Variants in SPNS3 observed in about 807,000 individuals in gnomAD.
SPNS3 encodes protein spinster homolog 3.
SPNS3 carries 51 observed loss-of-function variants against 54.4 expected under a neutral mutation model. The ratio of observed to expected loss-of-function variants is 0.94; its 90% CI spans 0.75 to 1.18. The LOEUF is 1.18. Ranked by LOEUF, SPNS3 falls within the 50% of genes most tolerant of loss-of-function variation. The pLI is 0.00. For synonymous variants in SPNS3, 309 were observed against 294.7 expected (o/e 1.05, Z -0.50); for missense variants, 669 against 677.4 (o/e 0.99, Z 0.14).
At chr17:4,445,940 T>C in intron 3 of SPNS3, 108 bp from the exon 4 acceptor site, 1 of 1,311,566 alleles carries the variant, frequency 7.6e-7, no homozygotes, top group Non-Finnish European at 1.0e-6. Flanking sequence ...CTCCCTACTC[T>C]GGGGTCCTGT....
intron 8 of SPNS3, among the ~76,000 whole-genome samples, chr17:4,458,586 C>CTCCTTCCTTCCCTCCT (rs749391286): frequency 1.5e-5 from 1 of 66,722 alleles, no homozygotes; most frequent in South Asian, 6.6e-4. Flanking sequence ...TCTTCCTTCC[C>CTCCTTCCTTCCCTCCT]TCCTTTCTTT....
intron 8 of SPNS3, among the ~76,000 whole-genome samples, chr17:4,475,123 A>G (rs1007603549): frequency 9.2e-5 from 14 of 152,076 alleles, no homozygotes; most frequent in African/African-American, 3.4e-4. Flanking sequence ...AGGGACATTT[A>G]TCATCACTTT....
chr17:4,481,679 C>A (rs760031072), intron 9 of SPNS3, among the ~76,000 whole-genome samples: 6 of 152,214 alleles, frequency 3.9e-5, no homozygotes, highest in Non-Finnish European at 5.9e-5. Flanking sequence ...TCCTCACTAG[C>A]TGTGTGACCC....
intron 1 of SPNS3, among the ~76,000 whole-genome samples, chr17:4,435,956 C>G (rs1597296672): frequency 6.6e-6 from 1 of 152,126 alleles, no homozygotes. Context: ...ACAATAACAA[C>G]AGCTGATTGA....
intron 1 of SPNS3, among the ~76,000 whole-genome samples, chr17:4,436,336 C>T (rs566759391): frequency 2.0e-4 from 30 of 152,282 alleles, no homozygotes; most frequent in Non-Finnish European, 2.1e-4. Context: ...ACCTGGTCAT[C>T]GTCTTTGAGG....
chr17:4,460,576 C>T (rs537690920), intron 8 of SPNS3, among the ~76,000 whole-genome samples: 16 of 150,986 alleles, frequency 1.1e-4, no homozygotes, highest in South Asian at 1.1e-3. Context: ...GGACTACAGG[C>T]GCCTGCTACC....
chr17:4,484,694 C>T (rs1303885415), intron 9 of SPNS3, among the ~76,000 whole-genome samples: 1 of 152,054 alleles, frequency 6.6e-6, no homozygotes, highest in Non-Finnish European at 1.5e-5. Flanking sequence ...TGTAAGCGCC[C>T]CTGTGGCTGT....
chr17:4,483,293 G>A lies in SPNS3; in HGVS notation c.1180-2935G>A, dbSNP rs139228029. ...TAAGAAGGGAGAGCCAGAAACAGAG[G>A]TGTTTTTGTCTCAGAATAGAGTGAG... On this transcript the variant is annotated intron_variant, in intron 9 of 11. Transcript: ENST00000355530. The surrounding 1 kb of genome is among the most constrained non-coding windows in gnomAD (Gnocchi z 4.2). 2.3e-3 allele frequency among the ~76,000 whole-genome samples: 353 copies of A among 152,310 alleles called. 1 individual carries two copies. Among genetic ancestry groups the A allele is most frequent in the African/African-American group, 7.7e-3 (319 of 41,554 alleles).
chr17:4,464,421 A>T (rs773954813), intron 8 of SPNS3, among the ~76,000 whole-genome samples: 6 of 152,154 alleles, frequency 3.9e-5, no homozygotes, highest in Non-Finnish European at 8.8e-5. Context: ...GATGTGGCTG[A>T]ACGTCGGCTA....
At chr17:4,455,423 C>T (rs1971281002) in intron 8 of SPNS3, among the ~76,000 whole-genome samples, 1 of 152,232 alleles carries the variant, frequency 6.6e-6, no homozygotes, top group Admixed American at 6.5e-5. Context: ...TTTCTGCTGA[C>T]TGTCGGTGCC....
chr17:4,471,941 C>A (rs1157157665), intron 8 of SPNS3, among the ~76,000 whole-genome samples: 3 of 152,062 alleles, frequency 2.0e-5, no homozygotes, highest in African/African-American at 7.2e-5. Flanking sequence ...TCTCTGCAAC[C>A]TCCACCTCCT....
chr17:4,441,992 G>A (rs1297589874), intron 2 of SPNS3, among the ~76,000 whole-genome samples: 4 of 150,724 alleles, frequency 2.7e-5, no homozygotes, highest in African/African-American at 9.8e-5. Flanking sequence ...AAGTGTGTGT[G>A]TGTGTGTGTG....
At chr17:4,474,572 C>T (rs538400906) in intron 8 of SPNS3, among the ~76,000 whole-genome samples, 21 of 152,340 alleles carry the variant, frequency 1.4e-4, no homozygotes, top group African/African-American at 4.8e-4. Context: ...CGCCACCCCA[C>T]AGGGGCTGAC....
Position 4,487,837 on chromosome 17 carries a change from C to T in SPNS3, c.1482C>T (p.Asn494=), listed in dbSNP as rs2291743. Residue 494 remains asparagine, a synonymous_variant, in exon 12 of 12, where the codon AAC becomes AAT. Coordinates refer to ENST00000355530, the MANE Select transcript of SPNS3 (RefSeq NM_182538.5). The stretch of plus-strand genomic sequence containing the variant: ...CAGACAGCAATGATGTGGACAGCAA[C>T]GACCTGGAGAGACAAGGCCTACTTT... ...GTPDSNDVDS[N]DLERQGLLSG... 437,195 of 1,607,686 alleles carry T rather than the reference C, an allele frequency of 0.27. 63,693 individuals carry two copies. Among genetic ancestry groups the T allele is most frequent in the Middle Eastern group, 0.35 (2,123 of 6,040 alleles).
At chr17:4,437,852 T>C (rs181365504) in intron 1 of SPNS3, among the ~76,000 whole-genome samples, 2 of 149,778 alleles carry the variant, frequency 1.3e-5, no homozygotes, top group African/African-American at 4.9e-5. Context: ...AGTGGCATGA[T>C]CTCAGCTCAC....
rs1335161749 is a variant in SPNS3, at chr17:4,446,135, C to A, written c.490C>A (p.Leu164Ile). The A allele has an allele frequency of 6.2e-7, 1 of 1,613,768 alleles. No homozygotes were observed. The highest frequency in any genetic ancestry group is 8.5e-7 in the Non-Finnish European group (1 of 1,179,740). The stretch of plus-strand genomic sequence containing the variant: ...CATCGCGCCCACCGTCCTGGGCGAC[C>A]TCTTCGTGAGGGACCAGCGCACCCG... ...STIAPTVLGDLFVRDQRTRVL... is the reference protein window; with the variant it reads ...STIAPTVLGDIFVRDQRTRVL... Residue 164 changes from leucine (L) to isoleucine (I), a missense_variant, in exon 4 of 12, where the codon CTC (leucine) becomes ATC (isoleucine). Leu to Ile is a conservative substitution (Grantham distance 5, BLOSUM62 2). Transcript: ENST00000355530.
intron 8 of SPNS3, among the ~76,000 whole-genome samples, chr17:4,453,492 C>T (rs772949634): frequency 5.5e-4 from 83 of 152,266 alleles, no homozygotes; most frequent in Middle Eastern, 6.8e-3. Flanking sequence ...GTGGCAGGCA[C>T]CTATAATCCC....
intron 8 of SPNS3, among the ~76,000 whole-genome samples, chr17:4,463,015 C>A (rs531233384): frequency 1.3e-3 from 191 of 152,046 alleles, no homozygotes; most frequent in African/African-American, 4.5e-3. Context: ...AGGGTATAGA[C>A]AGGCTCCAAA....
intron 11 of SPNS3, among the ~76,000 whole-genome samples, chr17:4,487,599 C>T (rs577191355): frequency 9.5e-4 from 145 of 152,320 alleles, no homozygotes; most frequent in African/African-American, 3.3e-3. Flanking sequence ...GTGTTGAGGC[C>T]GAGAGGCATA....
Sources: gnomAD v4.1 joint callset for allele counts (sites outside exome capture counted in the v4.1 genomes callset) on GRCh38, gnomAD v4.1.1 for gene constraint, Gnocchi (gnomAD v3.1) non-coding constraint, MANE v1.5 for transcripts, NCBI Gene and HGNC (gene_info 2026-07-23, HGNC 2026-07-21) for gene names.